The following SLCO1B3 variants were observed in gnomAD, a reference collection of about 807,000 sequenced individuals.
The protein encoded by SLCO1B3 is solute carrier organic anion transporter family member 1B3.
Under a neutral mutation model 71.8 loss-of-function variants are expected in SLCO1B3, and 72 were observed. The ratio of observed to expected loss-of-function variants is 1.00; its 90% confidence interval spans 0.83 to 1.22. The LOEUF is 1.22. Among genes scored for constraint, SLCO1B3 ranks in the 50% most tolerant of loss-of-function variants. The pLI, the probability that SLCO1B3 is intolerant of heterozygous loss-of-function variation, is 0.00. For synonymous variants in SLCO1B3, 298 were observed against 278.4 expected (o/e 1.07, Z -0.70); for missense variants, 911 against 819.7 (o/e 1.11, Z -1.36).
chr12:20,862,452 C>T lies in SLCO1B3; in HGVS notation c.522C>T (p.Val174=). The change falls in exon 7 of 16, where the codon GTC becomes GTT. Residue 174 remains valine (V), a synonymous_variant. Coordinates refer to ENST00000381545, the MANE Select transcript of SLCO1B3 (RefSeq NM_019844.4). ...KESGSHMWIY[V]FMGNMLRGIG... is the part of the protein sequence containing the mutation. Reference sequence around the variant, plus strand: ...CTGGGTCACACATGTGGATCTATGTCTTCATGGGGAATATGCTTCGTGGCA... The same window carrying T: ...CTGGGTCACACATGTGGATCTATGTTTTCATGGGGAATATGCTTCGTGGCA... 2 of 1,613,172 alleles carry T rather than the reference C, an allele frequency of 1.2e-6. No individual in the cohort carries two copies. Among genetic ancestry groups the T allele is most frequent in the Non-Finnish European group, 8.5e-7 (1 of 1,179,428 alleles).
intron 3 of SLCO1B3, among the ~76,000 whole-genome samples, chr12:20,839,534 C>T (rs1864752462): frequency 6.6e-6 from 1 of 152,020 alleles, no homozygotes; most frequent in South Asian, 2.1e-4. Context: ...ATCTTTGTTC[C>T]TATATAGGTA....
At chr12:20,903,115 G>A (rs1352184410) in intron 15 of SLCO1B3, among the ~76,000 whole-genome samples, 2 of 150,592 alleles carry the variant, frequency 1.3e-5, no homozygotes. Context: ...ATGCTAGCAA[G>A]AATGGGAAAC....
intron 3 of SLCO1B3, among the ~76,000 whole-genome samples, chr12:20,850,708 C>A (rs529319137): frequency 8.5e-4 from 130 of 152,290 alleles, no homozygotes; most frequent in Admixed American, 1.6e-3. Flanking sequence ...TTCTTTGTAT[C>A]CATATGTACT....
chr12:20,902,074 C>T (rs1484469788), intron 15 of SLCO1B3: 4 of 250,862 alleles, frequency 1.6e-5, no homozygotes, highest in Non-Finnish European at 3.2e-5. Flanking sequence ...AGTAGAATTT[C>T]TTTTAATTAT....
At chr12:20,814,116 T>C (rs1189871741) in intron 2 of SLCO1B3, among the ~76,000 whole-genome samples, 3 of 152,186 alleles carry the variant, frequency 2.0e-5, no homozygotes, top group Admixed American at 6.5e-5. Context: ...ATGTTATGTG[T>C]CTGCTTATAT....
intron 3 of SLCO1B3, among the ~76,000 whole-genome samples, chr12:20,847,305 A>C: frequency 6.6e-6 from 1 of 152,158 alleles, no homozygotes; most frequent in Middle Eastern, 3.2e-3. Context: ...ACATATTGAA[A>C]CCCTGAGCCC....
chr12:20,869,045 A>G (rs1865426654), intron 8 of SLCO1B3, among the ~76,000 whole-genome samples: 1 of 152,306 alleles, frequency 6.6e-6, no homozygotes, highest in African/African-American at 2.4e-5. Flanking sequence ...GCACAGCATC[A>G]CAGGGAGATG....
chr12:20,901,354 A>G lies in SLCO1B3; in HGVS notation c.1752A>G (p.Gly584=). ...FQSMVIRTLG[G]ILAPIYFGAL... ...TCTTTTTATCTCATGTTGCAGGAGG[A>G]ATTCTAGCTCCAATATATTTTGGGG... The change falls in exon 15 of 16, where the codon GGA becomes GGG. Residue 584 remains glycine, a synonymous_variant. Transcript: ENST00000381545. 1 of 1,558,638 alleles carries G rather than the reference A, an allele frequency of 6.4e-7. No homozygotes were observed. The highest frequency in any genetic ancestry group is 1.2e-5 in the South Asian group (1 of 82,484).
intron 3 of SLCO1B3, among the ~76,000 whole-genome samples, chr12:20,822,957 G>A (rs769798473): frequency 6.6e-6 from 1 of 151,648 alleles, no homozygotes; most frequent in East Asian, 1.9e-4. Context: ...TTACTCCCTG[G>A]TCTTGAATTT....
chr12:20,891,970 C>T (rs1565604522), intron 13 of SLCO1B3, among the ~76,000 whole-genome samples: 1 of 151,904 alleles, frequency 6.6e-6, no homozygotes, highest in African/African-American at 2.4e-5. Flanking sequence ...TTTTGGATCT[C>T]AAGCTTTACA....
intron 3 of SLCO1B3, among the ~76,000 whole-genome samples, chr12:20,823,549 A>C (rs1278611975): frequency 1.3e-5 from 2 of 152,214 alleles, no homozygotes; most frequent in Non-Finnish European, 2.9e-5. Context: ...TTTATTGGTA[A>C]AATAAATTTT....
rs375084945 is a variant in SLCO1B3 at position 20,814,821 on chromosome 12, T to C, written c.-65-853T>C. ...CTGAGGCAGGAGAATGGCGTGAACCTGGGAGGCAGAGCTTACAGTGAGCCG... is the reference window on the plus strand; with the variant it reads ...CTGAGGCAGGAGAATGGCGTGAACCCGGGAGGCAGAGCTTACAGTGAGCCG... On this transcript the variant is annotated intron_variant, in intron 2 of 15. Coordinates refer to ENST00000381545, the MANE Select transcript of SLCO1B3 (RefSeq NM_019844.4). Among the ~76,000 whole-genome samples, 162 of 151,570 alleles carry C rather than the reference T, an allele frequency of 1.1e-3. 4 individuals are homozygous for C. The South Asian group carries it at 0.033, about 31-fold the overall frequency.
At chr12:20,865,118 A>T (rs1302048945) in intron 8 of SLCO1B3, among the ~76,000 whole-genome samples, 2 of 152,146 alleles carry the variant, frequency 1.3e-5, no homozygotes, top group African/African-American at 4.8e-5. Flanking sequence ...GGACATATCT[A>T]GCTTGGTTAT....
intron 3 of SLCO1B3, among the ~76,000 whole-genome samples, chr12:20,831,841 G>A (rs1864548235): frequency 6.6e-6 from 1 of 152,092 alleles, no homozygotes; most frequent in Non-Finnish European, 1.5e-5. Context: ...CAATAATAGT[G>A]GCTAACATTT....
At chr12:20,866,903 G>A (rs4762801) in intron 8 of SLCO1B3, among the ~76,000 whole-genome samples, 110,120 of 152,028 alleles carry the variant, frequency 0.72, 42,484 homozygotes, top group South Asian at 0.9. Flanking sequence ...AGGGGAAATA[G>A]TAAAAAACAG....
intron 13 of SLCO1B3, among the ~76,000 whole-genome samples, chr12:20,892,708 A>G (rs755951458): frequency 2.6e-5 from 4 of 152,142 alleles, no homozygotes; most frequent in Non-Finnish European, 5.9e-5. Flanking sequence ...AAGAAAAGAA[A>G]GAGTCTTTGG....
At chr12:20,824,565 G>A (rs188016782) in intron 3 of SLCO1B3, among the ~76,000 whole-genome samples, 2 of 152,262 alleles carry the variant, frequency 1.3e-5, no homozygotes, top group East Asian at 3.9e-4. Flanking sequence ...GGTTTCTTCT[G>A]TGGCATACAG....
intron 13 of SLCO1B3, among the ~76,000 whole-genome samples, chr12:20,897,132 TCA>T (rs1866026087): frequency 6.6e-6 from 1 of 152,140 alleles, no homozygotes; most frequent in Admixed American, 6.5e-5. Context: ...CGTATCAGAT[TCA>T]TTGTCCTCAG....
intron 4 of SLCO1B3, among the ~76,000 whole-genome samples, chr12:20,857,848 T>C (rs4149112): frequency 0.72 from 109,993 of 151,910 alleles, 42,413 homozygotes; most frequent in South Asian, 0.9. Context: ...TCTTCTTCCA[T>C]GTTTTAATCT....
Sources: allele counts gnomAD v4.1 joint callset (sites outside exome capture counted in the v4.1 genomes callset), GRCh38; gene constraint gnomAD v4.1.1; transcripts MANE v1.5; gene names NCBI Gene and HGNC (gene_info 2026-07-23, HGNC 2026-07-21).